Variants in SECISBP2L observed in about 807,000 individuals in gnomAD.
The protein encoded by SECISBP2L is SECIS binding protein 2 like.
SECISBP2L carries 43 observed loss-of-function variants against 114.7 expected under a neutral mutation model. The ratio of observed to expected loss-of-function variants is 0.38; its 90% CI spans 0.29 to 0.48. SECISBP2L has a LOEUF of 0.48. SECISBP2L is among the 20% of genes least tolerant of loss of function. The pLI is 0.98. For synonymous variants in SECISBP2L, 451 were observed against 439.7 expected (o/e 1.03, Z -0.32); for missense variants, 1,136 against 1,301.1 (o/e 0.87, Z 1.95).
intron 14 of SECISBP2L, among the ~76,000 whole-genome samples, chr15:49,008,979 A>G (rs968568764): frequency 9.2e-5 from 14 of 152,238 alleles, no homozygotes; most frequent in Non-Finnish European, 1.8e-4. Flanking sequence ...GAATAGAAAT[A>G]CTATCTGATA....
At chr15:49,033,852 T>C (rs1286439329) in intron 3 of SECISBP2L, among the ~76,000 whole-genome samples, 1 of 152,062 alleles carries the variant, frequency 6.6e-6, no homozygotes, top group Non-Finnish European at 1.5e-5. Context: ...AATCAATCAA[T>C]ATTAATAAAC....
chr15:49,000,808 T>A, intron 15 of SECISBP2L, 69 bp downstream of exon 15: 1 of 1,273,530 alleles, frequency 7.9e-7, no homozygotes, highest in Non-Finnish European at 1.1e-6. Context: ...ACATATGGCT[T>A]CTACTTTATA....
chr15:49,017,918 T>C, intron 8 of SECISBP2L: 2 of 250,112 alleles, frequency 8.0e-6, no homozygotes, highest in South Asian at 1.7e-4. Context: ...TGAAAAGAAA[T>C]TCAAACTGGG....
chr15:49,001,141 T>C (rs565703615), intron 14 of SECISBP2L, 44 bp from the exon 15 acceptor site: 25 of 1,320,722 alleles, frequency 1.9e-5, no homozygotes, highest in Middle Eastern at 1.9e-4. Flanking sequence ...CTAATTTTTT[T>C]CCCTATAGTT....
intron 1 of SECISBP2L, among the ~76,000 whole-genome samples, chr15:49,042,908 T>C (rs1903170375): frequency 6.6e-6 from 1 of 152,160 alleles, no homozygotes; most frequent in African/African-American, 2.4e-5. Flanking sequence ...TGCACACCTG[T>C]AATCCCAGCT....
chr15:49,042,166 T>C (rs1903151576), intron 1 of SECISBP2L, among the ~76,000 whole-genome samples: 1 of 152,242 alleles, frequency 6.6e-6, no homozygotes, highest in Admixed American at 6.5e-5. Context: ...TTTTAACTTA[T>C]TATTTTCTCT....
chr15:49,035,462 A>G lies in SECISBP2L; in HGVS notation c.400T>C (p.Phe134Leu). 1 of 1,614,162 alleles carries G rather than the reference A, an allele frequency of 6.2e-7. No homozygotes were observed. The highest frequency in any genetic ancestry group is 1.1e-5 in the South Asian group (1 of 91,084). ...GCATTTACAGTATTTGCAGCCTGAA[A>G]GGTGTTGGAGTAAGGTGTAGGAAAA... ...HPFPTPYSNT[F>L]QAANTVNAIT... Residue 134 changes from phenylalanine (F) to leucine (L), a missense_variant, in exon 3 of 18, where the codon TTT becomes CTT. Physicochemically the swap from Phe to Leu is conservative, Grantham distance 22. This residue lies in a region of SECISBP2L where 452 missense variants were observed against 452.3 expected (regional missense o/e 1.00). Coordinates refer to ENST00000559471, the MANE Select transcript of SECISBP2L (RefSeq NM_001193489.2).
chr15:49,001,797 C>CT (rs1337918733), intron 14 of SECISBP2L: 6 of 152,262 alleles, frequency 3.9e-5, no homozygotes, highest in Admixed American at 1.3e-4. Context: ...TGAACTCATC[C>CT]TTTTTTATGG....
At chr15:49,040,014 C>G (rs189724325) in intron 1 of SECISBP2L, among the ~76,000 whole-genome samples, 1 of 151,998 alleles carries the variant, frequency 6.6e-6, no homozygotes, top group Non-Finnish European at 1.5e-5. Context: ...TGACCTCTCC[C>G]CCCAAAACAT....
At chr15:49,035,909 A>T (rs1902996314) in intron 2 of SECISBP2L, among the ~76,000 whole-genome samples, 1 of 152,230 alleles carries the variant, frequency 6.6e-6, no homozygotes, top group Admixed American at 6.5e-5. Context: ...TCCACATACC[A>T]GCATTGTCTG....
rs779767836 is a variant in SECISBP2L, at chr15:49,032,953, C to A, written c.664+12G>T. On this transcript the variant is annotated intron_variant, in intron 4 of 17. Transcript: ENST00000559471. ...AAAATCAGTGACGCACATGTAAGAA[C>A]CCTTGCCTTACCAGTTTGCTGTGAA... 2 of 1,612,494 alleles carry A rather than the reference C, an allele frequency of 1.2e-6. No homozygotes were observed. Among genetic ancestry groups the A allele is most frequent in the Non-Finnish European group, 1.7e-6 (2 of 1,179,452 alleles).
intron 14 of SECISBP2L, among the ~76,000 whole-genome samples, chr15:49,008,453 A>T (rs1902367217): frequency 6.6e-6 from 1 of 152,192 alleles, no homozygotes; most frequent in South Asian, 2.1e-4. Context: ...TGTTCATTTC[A>T]TACATATGTA....
intron 3 of SECISBP2L, among the ~76,000 whole-genome samples, chr15:49,034,690 G>T (rs1161027436): frequency 1.1e-5 from 1 of 88,024 alleles, no homozygotes; most frequent in Non-Finnish European, 2.5e-5. Context: ...TTTGAGACAG[G>T]GTGTCACTCT....
At chr15:49,007,926 C>T (rs890440240) in intron 14 of SECISBP2L, among the ~76,000 whole-genome samples, 3 of 152,190 alleles carry the variant, frequency 2.0e-5, no homozygotes, top group Non-Finnish European at 4.4e-5. Flanking sequence ...GTAAAAATCA[C>T]ATGCCTTTAC....
At chr15:49,000,343 C>T (rs769865621) in intron 15 of SECISBP2L, among the ~76,000 whole-genome samples, 1 of 152,184 alleles carries the variant, frequency 6.6e-6, no homozygotes, top group Non-Finnish European at 1.5e-5. Context: ...AGATCTCTCA[C>T]AATGCAATGA....
rs1595788517 is a variant in SECISBP2L at position 49,016,372 on chromosome 15, T to C, written c.1561+188A>G. ...AAAGGACTAGGTGTGGAAAGGAGCA[T>C]GGACAATTTCAAGGCTTGCGGTTTA... is the stretch of plus-strand genomic sequence containing the variant. On this transcript the variant is annotated intron_variant, in intron 11 of 17. Coordinates refer to ENST00000559471, the MANE Select transcript of SECISBP2L (RefSeq NM_001193489.2). 1.7e-5 allele frequency: 8 copies of C among 481,122 alleles called. No homozygotes were observed. In the East Asian group the frequency reaches 2.3e-4, roughly 14 times the overall value. The allele number at this position is 481,122 out of a possible 1,614,324, so 29.8% of individuals were successfully genotyped here.
chr15:49,019,306 G>T, intron 8 of SECISBP2L, 112 bp downstream of exon 8: 1 of 821,838 alleles, frequency 1.2e-6, no homozygotes, highest in African/African-American at 1.8e-5. Flanking sequence ...TTTAATACTA[G>T]AATCACATGT....
chr15:49,029,133 C>T (rs1482413670), intron 4 of SECISBP2L, among the ~76,000 whole-genome samples: 2 of 152,178 alleles, frequency 1.3e-5, no homozygotes, highest in Non-Finnish European at 2.9e-5. Context: ...GGATTACAGG[C>T]ATGAGCTACC....
rs1302192621 is a variant in SECISBP2L at position 49,019,513 on chromosome 15, T to C, written c.1075A>G (p.Arg359Gly). The change falls in exon 8 of 18, where the codon AGA (arginine) becomes GGA (glycine). Residue 359 changes from arginine (R) to glycine (G), a missense_variant. Around this residue, in one of 2 missense-constraint regions of SECISBP2L, gnomAD observed 452 missense variants for 452.3 expected, o/e 1.00. Coordinates refer to ENST00000559471, the MANE Select transcript of SECISBP2L (RefSeq NM_001193489.2). Reference sequence around the variant, plus strand: ...GGTCTCTTTTGCAAATTCTGTCTTCTTTCTGAGGAAGTACTGTGTCCTCGG... The same window carrying C: ...GGTCTCTTTTGCAAATTCTGTCTTCCTTCTGAGGAAGTACTGTGTCCTCGG... ...RCRGHSTSSERRQNLQKRPDN... is the reference protein window; with the variant it reads ...RCRGHSTSSEGRQNLQKRPDN... 5 of 1,518,078 alleles carry C rather than the reference T, an allele frequency of 3.3e-6. No homozygotes were observed. The South Asian group carries it at 3.7e-5, about 11-fold the overall frequency. 94.0% of individuals were successfully genotyped at this position (1,518,078 alleles called of 1,614,324 possible).
Sources: allele counts gnomAD v4.1 joint callset (sites outside exome capture counted in the v4.1 genomes callset), GRCh38; gene constraint gnomAD v4.1.1; regional missense constraint gnomAD v4.1.1; transcripts MANE v1.5; gene names NCBI Gene and HGNC (gene_info 2026-07-23, HGNC 2026-07-21).